ADAP1: variants seen among roughly 807,000 people sequenced by gnomAD.
ADAP1 encodes arf-GAP with dual PH domain-containing protein 1.
In ADAP1, 31 loss-of-function variants were observed where a neutral mutation model predicts 54.9. That is an observed-to-expected ratio of 0.56 (90% CI 0.42 to 0.76). The LOEUF (loss-of-function observed/expected upper bound fraction) is 0.76. Ranked by LOEUF, ADAP1 falls within the 30% of genes least tolerant of loss-of-function variation. The probability of loss-of-function intolerance (pLI) is 0.00; values close to 1 mark genes in which losing one functional copy is unlikely to be tolerated. For missense variants in ADAP1, 535 were observed against 512.4 expected (o/e 1.04, Z -0.42); for synonymous variants, 313 against 202.6 (o/e 1.55, Z -4.63).
chr7:902,690 T>A (rs6461807), intron 6 of ADAP1, among the ~76,000 whole-genome samples: 116,735 of 151,326 alleles, frequency 0.77, 45,231 homozygotes, highest in East Asian at 0.97. Context: ...AATCATTAGA[T>A]AAGAAAGCAA....
At chr7:918,720 G>A (rs73044410) in intron 4 of ADAP1, among the ~76,000 whole-genome samples, 3 of 152,274 alleles carry the variant, frequency 2.0e-5, no homozygotes, top group East Asian at 1.9e-4. Flanking sequence ...TTTCCCTGTC[G>A]ACACGGTGGA....
intron 1 of ADAP1, 97 bp from the exon 2 acceptor site, chr7:935,602 G>C (rs947805977): frequency 1.6e-5 from 23 of 1,442,258 alleles, no homozygotes; most frequent in Middle Eastern, 4.3e-4. Flanking sequence ...GCCATGCAGT[G>C]GGGGGGGCTT....
At chr7:918,110 T>C (rs1327447288) in intron 4 of ADAP1, among the ~76,000 whole-genome samples, 1 of 152,202 alleles carries the variant, frequency 6.6e-6, no homozygotes, top group Non-Finnish European at 1.5e-5. Context: ...GTATTTTTAG[T>C]AGAGACGGGG....
Position 926,655 on chromosome 7 carries a change from G to A in ADAP1, c.214-11C>T, listed in dbSNP as rs1327447071. ...GTGGGAGGCCATGAACTGCAAGAGAGGAGGGGCCGGGTCAGAGGCCTGGGG... is the reference window on the plus strand; with the variant it reads ...GTGGGAGGCCATGAACTGCAAGAGAAGAGGGGCCGGGTCAGAGGCCTGGGG... On this transcript the variant is annotated splice_polypyrimidine_tract_variant and intron_variant, in intron 2 of 10. Transcript: ENST00000265846. The surrounding 1 kb of genome is among the most constrained non-coding windows in gnomAD (Gnocchi z 4.6). The A allele has an allele frequency of 2.0e-6, 3 of 1,538,070 alleles. No homozygotes were observed. The highest frequency in any genetic ancestry group is 2.6e-6 in the Non-Finnish European group (3 of 1,141,800).
chr7:949,197 C>T lies in ADAP1; in HGVS notation c.82+5199G>A, dbSNP rs10232518. ...GAGCGGGGGAAGGCGCCTTGCCCGC[C>T]GGAGTCCAGGGTAGGGCACCACTGG... is the stretch of plus-strand genomic sequence containing the variant. On this transcript the variant is annotated intron_variant, in intron 1 of 10. Coordinates refer to ENST00000265846, the MANE Select transcript of ADAP1 (RefSeq NM_006869.4). 3.2e-3 allele frequency among the ~76,000 whole-genome samples: 493 copies of T among 152,344 alleles called. 5 individuals carry two copies. The highest frequency in any genetic ancestry group is 0.01 in the African/African-American group (434 of 41,564).
rs373464798 is a variant in ADAP1 at position 904,127 on chromosome 7, T to C, written c.647A>G (p.Lys216Arg). The C allele has an allele frequency of 1.2e-6, 2 of 1,612,110 alleles. No homozygotes were observed. The highest frequency in any genetic ancestry group is 1.7e-6 in the Non-Finnish European group (2 of 1,179,680). Reference protein sequence around the residue: ...RNIFIYHEDGKEIVDWFNALR... With the variant: ...RNIFIYHEDGREIVDWFNALR... ...GCCCGAGTGCTCGCCAGCACCCACC[T>C]TCCCGTCCTCATGGTAGATGAAGAT... The change falls in exon 6 of 11, where the codon AAG becomes AGG. Residue 216 changes from lysine (K) to arginine (R), a missense_variant and splice_region_variant. Coordinates refer to ENST00000265846, the MANE Select transcript of ADAP1 (RefSeq NM_006869.4).
intron 2 of ADAP1, among the ~76,000 whole-genome samples, chr7:934,813 C>T (rs1315967401): frequency 6.6e-6 from 1 of 152,190 alleles, no homozygotes; most frequent in Admixed American, 6.5e-5. Flanking sequence ...GGCTGGTGTC[C>T]CTGCCTGGCC....
chr7:954,819 G>A (rs1374962800), upstream of ADAP1: 1 of 704,996 alleles, frequency 1.4e-6, no homozygotes, highest in Non-Finnish European at 1.7e-6. Context: ...GGACCCGCTG[G>A]GAAATCGCCC....
rs1583180879 is a variant in ADAP1 at position 937,693 on chromosome 7, C to A, written c.83-2188G>T. Reference sequence around the variant, plus strand: ...CTGGGATTTGGGGGTCATGCCCGGCCTCTGGGATTTGGGGGTCATGCCCGA... The same window carrying A: ...CTGGGATTTGGGGGTCATGCCCGGCATCTGGGATTTGGGGGTCATGCCCGA... On this transcript the variant is annotated intron_variant, in intron 1 of 10. Transcript: ENST00000265846. Among the ~76,000 whole-genome samples the A allele has an allele frequency of 1.4e-3, 114 of 79,350 alleles. 10 individuals are homozygous for A. Among genetic ancestry groups the A allele is most frequent in the South Asian group, 2.8e-3 (4 of 1,448 alleles). 52.1% of individuals were successfully genotyped at this position (79,350 alleles called of 152,430 possible).
Position 898,602 on chromosome 7 carries a change from TG to T in ADAP1, c.*318del, listed in dbSNP as rs1192624595. ...TCCCACAGCCGTGGTGGGCGGCTCC[TG>T]GGGGCTGTGTCTGAGCTCGGGAGCC... On this transcript the variant is annotated 3_prime_UTR_variant, in exon 11 of 11. Transcript: ENST00000265846. 4.5e-6 allele frequency: 2 copies of T among 446,154 alleles called. No individual in the cohort carries two copies. Among genetic ancestry groups the T allele is most frequent in the South Asian group, 2.2e-5 (1 of 46,278 alleles). The allele number at this position is 446,154 out of a possible 1,614,324, so 27.6% of individuals were successfully genotyped here.
At chr7:913,423 G>A (rs940770603) in intron 4 of ADAP1, among the ~76,000 whole-genome samples, 1 of 151,712 alleles carries the variant, frequency 6.6e-6, no homozygotes, top group African/African-American at 2.4e-5. Context: ...GGATGGTCTT[G>A]ATCTCCTGAC....
intron 1 of ADAP1, among the ~76,000 whole-genome samples, chr7:941,112 A>G (rs947649877): frequency 6.6e-6 from 1 of 152,246 alleles, no homozygotes; most frequent in African/African-American, 2.4e-5. Flanking sequence ...GCAAAATGCA[A>G]CATCCTGATA....
At chr7:903,060 G>A (rs1479649746) in intron 6 of ADAP1, among the ~76,000 whole-genome samples, 15 of 152,194 alleles carry the variant, frequency 9.9e-5, no homozygotes, top group Non-Finnish European at 2.9e-5. Flanking sequence ...AACCAGATGA[G>A]GCTGCAGGAG....
At chr7:949,496 G>C (rs527289428) in intron 1 of ADAP1, among the ~76,000 whole-genome samples, 3 of 152,402 alleles carry the variant, frequency 2.0e-5, no homozygotes, top group Non-Finnish European at 2.9e-5. Flanking sequence ...CAGGGCCTGG[G>C]GGCAGGGGCA....
intron 4 of ADAP1, among the ~76,000 whole-genome samples, chr7:917,924 A>G (rs1846001630): frequency 6.6e-6 from 1 of 152,052 alleles, no homozygotes; most frequent in Admixed American, 6.6e-5. Flanking sequence ...ATGTGCGCCA[A>G]CCACGCCCAG....
intron 4 of ADAP1, among the ~76,000 whole-genome samples, chr7:910,916 C>G (rs1293399107): frequency 6.6e-6 from 1 of 152,178 alleles, no homozygotes; most frequent in Admixed American, 6.5e-5. Flanking sequence ...AGGAGGCAAA[C>G]ACCGGAGCCC....
intron 8 of ADAP1, 144 bp downstream of exon 8, chr7:899,958 G>T: frequency 9.8e-7 from 1 of 1,023,464 alleles, no homozygotes; most frequent in Non-Finnish European, 1.5e-6. Context: ...GGGGACCCCG[G>T]CCAGGCACAG....
upstream of ADAP1, chr7:954,696 G>A (rs1485746637): frequency 2.0e-6 from 2 of 981,438 alleles, no homozygotes; most frequent in Non-Finnish European, 2.4e-6. Context: ...CGCGGGGCCC[G>A]GGGCGCACGC....
chr7:900,223 C>CCT, intron 7 of ADAP1, 59 bp from the exon 8 acceptor site: 2 of 1,598,636 alleles, frequency 1.3e-6, no homozygotes, highest in Non-Finnish European at 1.7e-6. Context: ...CGAGCCCCTC[C>CCT]CTGGCTGTGC....
Sources: gnomAD v4.1 joint callset for allele counts (sites outside exome capture counted in the v4.1 genomes callset) on GRCh38, gnomAD v4.1.1 for gene constraint, Gnocchi (gnomAD v3.1) non-coding constraint, MANE v1.5 for transcripts, NCBI Gene and HGNC (gene_info 2026-07-23, HGNC 2026-07-21) for gene names.